Variants in IGHMBP2 observed in about 807,000 individuals in gnomAD.
IGHMBP2 encodes the protein DNA-binding protein SMUBP-2.
Under a neutral mutation model 96.0 loss-of-function variants are expected in IGHMBP2, and 81 were observed. That is an observed-to-expected ratio of 0.84 (90% CI 0.71 to 1.01). The LOEUF is 1.01. IGHMBP2 is among the 50% of genes least tolerant of loss of function. The pLI, the probability that IGHMBP2 is intolerant of heterozygous loss-of-function variation, is 0.00. For missense variants in IGHMBP2, 1,227 were observed against 1,306.3 expected (o/e 0.94, Z 0.94); for synonymous variants, 557 against 548.9 (o/e 1.01, Z -0.21).
In IGHMBP2 at chr11:68,933,427, C is replaced by A; in HGVS notation, c.1364C>A (p.Thr455Asn). The change falls in exon 9 of 15, where the codon ACC becomes AAC. Residue 455 changes from threonine to asparagine, a missense_variant. Coordinates refer to ENST00000255078, the MANE Select transcript of IGHMBP2 (RefSeq NM_002180.3). ...HQAIMRWASD[T>N]MYLGQLTAHS... Reference sequence around the variant, plus strand: ...GCTATCATGCGCTGGGCCTCAGACACCATGTACCTTGGGCAGCTCACAGCC... The same window carrying A: ...GCTATCATGCGCTGGGCCTCAGACAACATGTACCTTGGGCAGCTCACAGCC... The A allele has an allele frequency of 6.2e-7, 1 of 1,613,368 alleles. No individual in the cohort carries two copies. The highest frequency in any genetic ancestry group is 1.1e-5 in the South Asian group (1 of 90,948).
intron 10 of IGHMBP2, 73 bp from the exon 11 acceptor site, chr11:68,934,391 G>T: frequency 9.3e-7 from 1 of 1,075,524 alleles, no homozygotes; most frequent in South Asian, 1.3e-5. Context: ...AAACGTGCCC[G>T]AAACACGTGT....
intron 4 of IGHMBP2, 67 bp downstream of exon 4, chr11:68,908,698 T>G: frequency 9.1e-7 from 1 of 1,096,026 alleles, no homozygotes; most frequent in Non-Finnish European, 1.4e-6. Flanking sequence ...CAGTGTGACC[T>G]TGGGCCGTTT....
At position 68,934,488 on chromosome 11, in the gene IGHMBP2, A is replaced by G. The variant is rs1555247556; in HGVS notation, c.1562A>G (p.His521Arg). 2 of 1,612,278 alleles carry G rather than the reference A, an allele frequency of 1.2e-6. No homozygotes were observed. Among genetic ancestry groups the G allele is most frequent in the Non-Finnish European group, 1.7e-6 (2 of 1,179,164 alleles). Residue 521 changes from histidine (H) to arginine (R), a missense_variant, in exon 11 of 15, where the codon CAC becomes CGC. Around this residue, in one of 3 missense-constraint regions of IGHMBP2, gnomAD observed 703 missense variants for 770.3 expected, o/e 0.91. Transcript: ENST00000255078. ...GGCGAAGTCCGCCTCGTCAGTTTGC[A>G]CATCCAGGCTCTGGTGGACGCTGGT... ...NPGEVRLVSL[H>R]IQALVDAGVP... is the part of the protein sequence containing the mutation.
rs900176284 is a variant in IGHMBP2, at chr11:68,939,870, G to T, written c.*139G>T. 1.0e-6 allele frequency: 1 copy of T among 962,144 alleles called. No homozygotes were observed. The highest frequency in any genetic ancestry group is 1.7e-5 in the South Asian group (1 of 57,892). 59.6% of individuals were successfully genotyped at this position (962,144 alleles called of 1,614,324 possible). A position where few individuals can be genotyped will look rare whatever the true frequency, so the allele number is the denominator to read the frequency against. Reference sequence around the variant, plus strand: ...GGAGCGGAGGGCCCTGTTGGGGAAGGTTGGGTTTTTGGACCCCAGGGATAA... The same window carrying T: ...GGAGCGGAGGGCCCTGTTGGGGAAGTTTGGGTTTTTGGACCCCAGGGATAA... On this transcript the variant is annotated 3_prime_UTR_variant, in exon 15 of 15. Coordinates refer to ENST00000255078, the MANE Select transcript of IGHMBP2 (RefSeq NM_002180.3).
intron 7 of IGHMBP2, among the ~76,000 whole-genome samples, chr11:68,919,161 T>G (rs1858781639): frequency 1.3e-5 from 2 of 151,940 alleles, no homozygotes; most frequent in African/African-American, 4.8e-5. Context: ...TTTCTGTTGT[T>G]GATCTCTCCT....
Position 68,924,760 on chromosome 11 carries a change from A to C in IGHMBP2, c.1061-4423A>C, listed in dbSNP as rs764674356. Among the ~76,000 whole-genome samples the C allele has an allele frequency of 3.4e-4, 52 of 152,286 alleles. No homozygotes were observed. In the Middle Eastern group the frequency reaches 0.041, roughly 120 times the overall value. On this transcript the variant is annotated intron_variant, in intron 7 of 14. Transcript: ENST00000255078. The stretch of plus-strand genomic sequence containing the variant: ...ACCTTTCCCCTGTTCTGTGGATTAG[A>C]AGCAAGTCTCAGGCCCCACCCACAT...
At chr11:68,913,764 G>C (rs1858537984) in intron 5 of IGHMBP2, among the ~76,000 whole-genome samples, 1 of 152,094 alleles carries the variant, frequency 6.6e-6, no homozygotes, top group Non-Finnish European at 1.5e-5. Flanking sequence ...ACAAAAAATA[G>C]AAGAAATTAG....
intron 7 of IGHMBP2, 106 bp downstream of exon 7, chr11:68,917,989 T>A: frequency 7.5e-7 from 1 of 1,324,514 alleles, no homozygotes. Context: ...TATTTCTTTC[T>A]TAAAAGTTGG....
chr11:68,917,987 T>C (rs1348462770), intron 7 of IGHMBP2, 104 bp downstream of exon 7: 6 of 1,334,502 alleles, frequency 4.5e-6, no homozygotes, highest in Admixed American at 1.9e-5. Flanking sequence ...GGTATTTCTT[T>C]CTTAAAAGTT....
chr11:68,908,460 T>C (rs1056794793), intron 3 of IGHMBP2, 74 bp from the exon 4 acceptor site: 6 of 1,457,166 alleles, frequency 4.1e-6, no homozygotes, highest in Non-Finnish European at 5.8e-6. Flanking sequence ...CTCATGGGAG[T>C]TGGTGGCAGC....
intron 7 of IGHMBP2, among the ~76,000 whole-genome samples, chr11:68,919,963 C>T (rs984967373): frequency 2.6e-5 from 4 of 152,132 alleles, no homozygotes; most frequent in African/African-American, 9.7e-5. Flanking sequence ...GTCTGTAGTA[C>T]AGTAGCATTA....
At chr11:68,913,642 G>T (rs1352215460) in intron 5 of IGHMBP2, among the ~76,000 whole-genome samples, 1 of 152,126 alleles carries the variant, frequency 6.6e-6, no homozygotes. Flanking sequence ...GCTGTGGCTG[G>T]GTGCAGCGGC....
At chr11:68,905,913 G>A (rs1403014657) in intron 1 of IGHMBP2, among the ~76,000 whole-genome samples, 156 bp from the exon 2 acceptor site, 5 of 152,202 alleles carry the variant, frequency 3.3e-5, no homozygotes, top group African/African-American at 1.2e-4. Context: ...TAGGAGGAGC[G>A]GGATTGGGAG....
chr11:68,922,691 GC>G (rs1858924315), intron 7 of IGHMBP2, among the ~76,000 whole-genome samples: 2 of 152,170 alleles, frequency 1.3e-5, no homozygotes. Flanking sequence ...ACCGCACCCG[GC>G]CTCATGTTTT....
chr11:68,924,963 GT>G (rs879503601), intron 7 of IGHMBP2, among the ~76,000 whole-genome samples: 13 of 148,674 alleles, frequency 8.7e-5, no homozygotes, highest in South Asian at 6.4e-4. Flanking sequence ...TTGTCTCTGT[GT>G]TTTTTTTTTA....
chr11:68,916,687 G>A (rs1466820162), intron 6 of IGHMBP2, among the ~76,000 whole-genome samples: 1 of 152,150 alleles, frequency 6.6e-6, no homozygotes, highest in African/African-American at 2.4e-5. Context: ...CTTTGCTATG[G>A]GCCCGTGGCA....
chr11:68,939,499 T>A, intron 14 of IGHMBP2, 35 bp from the exon 15 acceptor site: 7 of 1,609,392 alleles, frequency 4.3e-6, no homozygotes, highest in Non-Finnish European at 5.9e-6. Flanking sequence ...TCCTTGCCCC[T>A]GTGAGCCCAG....
Position 68,936,640 on chromosome 11 carries a change from G to A in IGHMBP2, c.2160G>A (p.Val720=). Residue 720 remains valine, a synonymous_variant, in exon 13 of 15, where the codon GTG becomes GTA. Coordinates refer to ENST00000255078, the MANE Select transcript of IGHMBP2 (RefSeq NM_002180.3). ...PSLNGGSPEG[V]ESQDGVDHFR... ...TCAACGGAGGCAGCCCAGAGGGAGT[G>A]GAGAGCCAAGATGGCGTGGACCACT... 3.1e-6 allele frequency: 5 copies of A among 1,613,902 alleles called. No homozygotes were observed. The highest frequency in any genetic ancestry group is 4.2e-6 in the Non-Finnish European group (5 of 1,179,992).
chr11:68,933,328 T>G lies in IGHMBP2; in HGVS notation c.1265T>G (p.Leu422Arg). 1 of 1,613,060 alleles carries G rather than the reference T, an allele frequency of 6.2e-7. No homozygotes were observed. Among genetic ancestry groups the G allele is most frequent in the Non-Finnish European group, 8.5e-7 (1 of 1,179,910 alleles). ...GCGCTGGCAGGACTGTCACTCAGCC[T>G]GATGGAACGCCTGGCTGAGGAGTAC... ...KAALAGLSLS[L>R]MERLAEEYGA... Residue 422 changes from leucine to arginine, a missense_variant, in exon 9 of 15, where the codon CTG becomes CGG. Physicochemically the swap from Leu to Arg is moderately radical, Grantham distance 102 (BLOSUM62 -2). This residue lies in a region of IGHMBP2 where 17 missense variants were observed against 39.1 expected (regional missense o/e 0.43). Transcript: ENST00000255078.
Sources: allele counts gnomAD v4.1 joint callset (sites outside exome capture counted in the v4.1 genomes callset), GRCh38; gene constraint gnomAD v4.1.1; regional missense constraint gnomAD v4.1.1; transcripts MANE v1.5; gene names NCBI Gene and HGNC (gene_info 2026-07-23, HGNC 2026-07-21).